KCNK1: variants seen among roughly 807,000 people sequenced by gnomAD.
KCNK1 encodes the protein potassium two pore domain channel subfamily K member 1, also known as potassium channel subfamily K member 1.
KCNK1 carries 10 observed loss-of-function variants against 22.2 expected under a neutral mutation model. That is an observed-to-expected ratio of 0.45 (90% CI 0.28 to 0.76). The LOEUF is 0.76. Ranked by LOEUF, KCNK1 falls within the 30% of genes least tolerant of loss-of-function variation. The pLI, the probability that KCNK1 is intolerant of heterozygous loss-of-function variation, is 0.14. For synonymous variants in KCNK1, 200 were observed against 186.4 expected (o/e 1.07, Z -0.60); for missense variants, 378 against 421.0 (o/e 0.90, Z 0.89).
chr1:233,618,599 T>G (rs992183333), intron 1 of KCNK1, among the ~76,000 whole-genome samples: 10 of 152,104 alleles, frequency 6.6e-5, no homozygotes, highest in African/African-American at 2.4e-4. Context: ...AAAAATACAG[T>G]TTTTGCCCAG....
At chr1:233,628,333 T>C (rs77865104) in intron 1 of KCNK1, among the ~76,000 whole-genome samples, 3,309 of 152,250 alleles carry the variant, frequency 0.022, 123 homozygotes, top group African/African-American at 0.072. Context: ...GTCCAGAAAC[T>C]ACCCATTGGA....
intron 1 of KCNK1, among the ~76,000 whole-genome samples, chr1:233,641,902 G>T (rs949184240): frequency 6.6e-6 from 1 of 152,168 alleles, no homozygotes; most frequent in Non-Finnish European, 1.5e-5. Context: ...AGCCGCTTGG[G>T]CAGCAGATGA....
chr1:233,621,372 C>T (rs1657583170), intron 1 of KCNK1, among the ~76,000 whole-genome samples: 1 of 152,152 alleles, frequency 6.6e-6, no homozygotes, highest in African/African-American at 2.4e-5. Context: ...TTTGTTAAGG[C>T]AGCCCTAGCA....
intron 1 of KCNK1, among the ~76,000 whole-genome samples, chr1:233,623,087 A>C (rs1657620249): frequency 6.6e-6 from 1 of 152,190 alleles, no homozygotes; most frequent in Non-Finnish European, 1.5e-5. Flanking sequence ...TGTTAAATAC[A>C]ACATTTTCTC....
At chr1:233,619,803 G>A (rs533312530) in intron 1 of KCNK1, among the ~76,000 whole-genome samples, 2 of 151,926 alleles carry the variant, frequency 1.3e-5, no homozygotes, top group South Asian at 2.1e-4. Flanking sequence ...CCAGCTACTC[G>A]GGAGGCTAAG....
chr1:233,650,112 A>G, intron 1 of KCNK1: 1 of 512,606 alleles, frequency 2.0e-6, no homozygotes, highest in Non-Finnish European at 4.0e-6. Flanking sequence ...AGGAGAGGAG[A>G]CCTACAGTTC....
chr1:233,626,638 T>C (rs1360724006), intron 1 of KCNK1, among the ~76,000 whole-genome samples: 3 of 152,140 alleles, frequency 2.0e-5, no homozygotes, highest in African/African-American at 7.2e-5. Context: ...AAGAGGTCAT[T>C]CAGACTGAGA....
chr1:233,666,778 C>T lies in KCNK1; in HGVS notation c.539C>T (p.Ala180Val). 6.2e-7 allele frequency: 1 copy of T among 1,614,194 alleles called. No homozygotes were observed. The change falls in exon 2 of 3, where the codon GCC becomes GTC. Residue 180 changes from alanine to valine, a missense_variant. Coordinates refer to ENST00000366621, the MANE Select transcript of KCNK1 (RefSeq NM_002245.4). ...IRWGFSKQVV[A>V]IVHAVLLGFV... Reference sequence around the variant, plus strand: ...TGGGGCTTCTCCAAGCAGGTGGTGGCCATCGTCCATGCCGTGCTCCTTGGG... The same window carrying T: ...TGGGGCTTCTCCAAGCAGGTGGTGGTCATCGTCCATGCCGTGCTCCTTGGG...
rs1287591476 is a variant in KCNK1 at position 233,662,259 on chromosome 1, TCTTCTTCTTCTTCTC to T, written c.356-4333_356-4319del. On this transcript the variant is annotated intron_variant, in intron 1 of 2. Coordinates refer to ENST00000366621, the MANE Select transcript of KCNK1 (RefSeq NM_002245.4). The stretch of plus-strand genomic sequence containing the variant: ...TTCTCCTTCTTCTTCTTCTTCTTCT[TCTTCTTCTTCTTCTC>T]CTCCTCCTCCTCCTCTTCCTCTTCT... Among the ~76,000 whole-genome samples the T allele has an allele frequency of 3.7e-5, 5 of 136,866 alleles. No homozygotes were observed. In the East Asian group the frequency reaches 9.9e-4, roughly 27 times the overall value. 89.8% of individuals were successfully genotyped at this position (136,866 alleles called of 152,430 possible). A position where few individuals can be genotyped will look rare whatever the true frequency, so the allele number is the denominator to read the frequency against.
chr1:233,629,756 G>C (rs533689749), intron 1 of KCNK1: 2 of 152,190 alleles, frequency 1.3e-5, no homozygotes, highest in Admixed American at 6.5e-5. Context: ...CTCCGTAGTC[G>C]CAGGGATGAA....
At chr1:233,668,732 A>G (rs897221745) in intron 2 of KCNK1, among the ~76,000 whole-genome samples, 5 of 152,026 alleles carry the variant, frequency 3.3e-5, no homozygotes, top group Non-Finnish European at 5.9e-5. Context: ...CAGCCTCCCA[A>G]ATAGCTGGGA....
Position 233,671,735 on chromosome 1 carries a change from A to T in KCNK1, c.*205A>T. ...ACCCCAGCAGGATGTCTAATATGTGAGGAAATGAGATGTCCACCTAAAATT... is the reference window on the plus strand; with the variant it reads ...ACCCCAGCAGGATGTCTAATATGTGTGGAAATGAGATGTCCACCTAAAATT... On this transcript the variant is annotated 3_prime_UTR_variant, in exon 3 of 3. Coordinates refer to ENST00000366621, the MANE Select transcript of KCNK1 (RefSeq NM_002245.4). 1.7e-6 allele frequency: 1 copy of T among 604,752 alleles called. No homozygotes were observed. Among genetic ancestry groups the T allele is most frequent in the Non-Finnish European group, 2.9e-6 (1 of 350,158 alleles). The allele number at this position is 604,752 out of a possible 1,614,324, so 37.5% of individuals were successfully genotyped here. A position where few individuals can be genotyped will look rare whatever the true frequency, so the allele number is the denominator to read the frequency against.
chr1:233,631,858 G>A (rs1183778713), intron 1 of KCNK1, among the ~76,000 whole-genome samples: 3 of 152,100 alleles, frequency 2.0e-5, no homozygotes, highest in Non-Finnish European at 4.4e-5. Context: ...TGCAGAGGTA[G>A]AGGGAGGAGT....
intron 1 of KCNK1, chr1:233,631,578 C>T (rs939299969): frequency 6.7e-6 from 2 of 296,372 alleles, no homozygotes; most frequent in Admixed American, 4.4e-5. Flanking sequence ...CTAAAGTTAC[C>T]CTACCCTCAC....
chr1:233,667,418 T>C (rs1040080705), intron 2 of KCNK1, among the ~76,000 whole-genome samples: 1 of 152,174 alleles, frequency 6.6e-6, no homozygotes, highest in Non-Finnish European at 1.5e-5. Flanking sequence ...ATGTAGGCGT[T>C]ATAAATGACA....
At chr1:233,630,942 G>A in intron 1 of KCNK1, 1 of 207,424 alleles carries the variant, frequency 4.8e-6, no homozygotes, top group South Asian at 7.1e-5. Flanking sequence ...CCTTGGTCAA[G>A]TGCACTTTCA....
At chr1:233,660,155 G>T (rs1348429044) in intron 1 of KCNK1, among the ~76,000 whole-genome samples, 1 of 152,152 alleles carries the variant, frequency 6.6e-6, no homozygotes, top group Non-Finnish European at 1.5e-5. Flanking sequence ...TATATATTGA[G>T]TAATTTATAA....
intron 1 of KCNK1, among the ~76,000 whole-genome samples, chr1:233,632,813 C>T (rs1446804239): frequency 2.6e-5 from 4 of 152,132 alleles, no homozygotes; most frequent in Non-Finnish European, 4.4e-5. Context: ...CTTTCTTTGT[C>T]CTCCTGCTGT....
At chr1:233,625,983 A>T (rs2102884874) in intron 1 of KCNK1, among the ~76,000 whole-genome samples, 1 of 152,198 alleles carries the variant, frequency 6.6e-6, no homozygotes, top group South Asian at 2.1e-4. Flanking sequence ...GAGCTAGGGG[A>T]AAAGCACCAG....
Sources: gnomAD v4.1 joint callset for allele counts (sites outside exome capture counted in the v4.1 genomes callset) on GRCh38, gnomAD v4.1.1 for gene constraint, MANE v1.5 for transcripts, NCBI Gene and HGNC (gene_info 2026-07-23, HGNC 2026-07-21) for gene names.